The following GABRB1 variants were observed in gnomAD, a reference collection of about 807,000 sequenced individuals.
GABRB1 encodes gamma-aminobutyric acid receptor subunit beta-1.
In GABRB1, 17 loss-of-function variants were observed where a neutral mutation model predicts 51.6. The ratio of observed to expected loss-of-function variants is 0.33; its 90% CI spans 0.23 to 0.49. GABRB1 has a LOEUF of 0.49. Ranked by LOEUF, GABRB1 falls within the 20% of genes least tolerant of loss-of-function variation. GABRB1 has a pLI of 0.99. For synonymous variants in GABRB1, 247 were observed against 218.9 expected (o/e 1.13, Z -1.14); for missense variants, 410 against 600.6 (o/e 0.68, Z 3.32).
intron 5 of GABRB1, among the ~76,000 whole-genome samples, chr4:47,340,799 T>A (rs150431127): frequency 6.6e-6 from 1 of 151,930 alleles, no homozygotes. Flanking sequence ...GGAAAGGAGA[T>A]TCTGAAAAAA....
At chr4:47,132,244 C>T (rs1716448111) in intron 3 of GABRB1, among the ~76,000 whole-genome samples, 1 of 151,954 alleles carries the variant, frequency 6.6e-6, no homozygotes. Context: ...ATGTTGTATG[C>T]TAACTTTCTT....
chr4:47,053,337 G>A (rs935272288), intron 3 of GABRB1, among the ~76,000 whole-genome samples: 1 of 152,158 alleles, frequency 6.6e-6, no homozygotes, highest in African/African-American at 2.4e-5. Flanking sequence ...GCACCAGCAG[G>A]TCTGGTGTCT....
chr4:47,306,130 T>G (rs968645919), intron 4 of GABRB1, among the ~76,000 whole-genome samples: 1 of 151,912 alleles, frequency 6.6e-6, no homozygotes, highest in Non-Finnish European at 1.5e-5. Context: ...CCTATTTGCT[T>G]CAGCTTCCTT....
upstream of GABRB1, chr4:47,031,490 C>T (rs1725293645): frequency 1.6e-6 from 1 of 632,152 alleles, no homozygotes; most frequent in Non-Finnish European, 2.8e-6. Flanking sequence ...AATCTGTTGC[C>T]TGTTCCACTA....
At chr4:47,398,577 G>A (rs1190311823) in intron 5 of GABRB1, among the ~76,000 whole-genome samples, 2 of 152,046 alleles carry the variant, frequency 1.3e-5, no homozygotes, top group Non-Finnish European at 2.9e-5. Flanking sequence ...GAGAGAGAGA[G>A]ACAGAGAGAG....
chr4:47,353,635 T>A (rs1330496560), intron 5 of GABRB1, among the ~76,000 whole-genome samples: 2 of 152,190 alleles, frequency 1.3e-5, no homozygotes, highest in Non-Finnish European at 2.9e-5. Context: ...TATCATTGAC[T>A]CTAGTACACA....
At chr4:47,109,889 A>G (rs1715145276) in intron 3 of GABRB1, among the ~76,000 whole-genome samples, 1 of 152,090 alleles carries the variant, frequency 6.6e-6, no homozygotes, top group African/African-American at 2.4e-5. Context: ...AGCTAGTGTC[A>G]TTGTGTAAGG....
In GABRB1 at chr4:47,093,421, G is replaced by A. The variant is rs1455436016; in HGVS notation, c.240+60937G>A. On this transcript the variant is annotated intron_variant, in intron 3 of 8. Transcript: ENST00000295454. ...ATCTATTGGGTAATCAATGAGCAATGTTCTCTATAATAAATACTGCTCATT... is the reference window on the plus strand; with the variant it reads ...ATCTATTGGGTAATCAATGAGCAATATTCTCTATAATAAATACTGCTCATT... Among the ~76,000 whole-genome samples the A allele has an allele frequency of 2.0e-5, 3 of 152,142 alleles. 1 individual carries two copies. Among genetic ancestry groups the A allele is most frequent in the Non-Finnish European group, 4.4e-5 (3 of 68,026 alleles).
chr4:47,380,438 G>A (rs1217665363), intron 5 of GABRB1, among the ~76,000 whole-genome samples: 1 of 152,136 alleles, frequency 6.6e-6, no homozygotes, highest in African/African-American at 2.4e-5. Context: ...AGCCAGAAGT[G>A]GCTAGTCCAA....
At chr4:47,017,375 T>G (rs1724781476) in intron 1 of GABRB1, among the ~76,000 whole-genome samples, 1 of 152,224 alleles carries the variant, frequency 6.6e-6, no homozygotes. Flanking sequence ...CATTATTTAC[T>G]CAAACTCCTT....
At position 47,350,278 on chromosome 4, in the gene GABRB1, T is replaced by G. The variant is rs1209687898; in HGVS notation, c.544+30069T>G. Among the ~76,000 whole-genome samples, 8 of 144,046 alleles carry G rather than the reference T, an allele frequency of 5.6e-5. No homozygotes were observed. In the South Asian group the frequency reaches 1.1e-3, roughly 20 times the overall value. 94.5% of individuals were successfully genotyped at this position (144,046 alleles called of 152,430 possible). A position where few individuals can be genotyped will look rare whatever the true frequency, so the allele number is the denominator to read the frequency against. On this transcript the variant is annotated intron_variant, in intron 5 of 8. Transcript: ENST00000295454. ...GCATTCATTAATGTGTGTATATATA[T>G]ATATATATAGAGAGAGAGAGAGAGC...
At chr4:47,106,927 T>C (rs531376028) in intron 3 of GABRB1, among the ~76,000 whole-genome samples, 1 of 152,238 alleles carries the variant, frequency 6.6e-6, no homozygotes, top group South Asian at 2.1e-4. Flanking sequence ...GGGTAACTGC[T>C]TCTCATTCTG....
intron 4 of GABRB1, among the ~76,000 whole-genome samples, chr4:47,186,498 C>G (rs2109777181): frequency 6.6e-6 from 1 of 151,890 alleles, no homozygotes; most frequent in East Asian, 1.9e-4. Flanking sequence ...TCTAGTAATT[C>G]AGGGTATCTA....
At chr4:47,396,722 A>G (rs1728190555) in intron 5 of GABRB1, among the ~76,000 whole-genome samples, 3 of 152,218 alleles carry the variant, frequency 2.0e-5, no homozygotes, top group Admixed American at 2.0e-4. Flanking sequence ...GGGTATATAC[A>G]TTAATACTTT....
chr4:47,246,033 C>A (rs1477889576), intron 4 of GABRB1, among the ~76,000 whole-genome samples: 4 of 149,966 alleles, frequency 2.7e-5, no homozygotes, highest in Admixed American at 6.7e-5. Context: ...GTATACACTG[C>A]ACCATATTTG....
intron 4 of GABRB1, among the ~76,000 whole-genome samples, chr4:47,310,901 C>T (rs1001682694): frequency 4.6e-5 from 7 of 151,844 alleles, no homozygotes; most frequent in African/African-American, 1.5e-4. Context: ...CAGTGGCTCA[C>T]GCCTGTAATC....
chr4:47,083,337 C>A (rs572780426), intron 3 of GABRB1, among the ~76,000 whole-genome samples: 2 of 152,248 alleles, frequency 1.3e-5, no homozygotes, highest in Admixed American at 1.3e-4. Flanking sequence ...TTGAGACAAC[C>A]ATTACACATG....
intron 4 of GABRB1, among the ~76,000 whole-genome samples, chr4:47,308,204 A>C (rs903382398): frequency 5.9e-5 from 9 of 152,016 alleles, no homozygotes; most frequent in Non-Finnish European, 1.2e-4. Flanking sequence ...GCCGATGAGG[A>C]AAAGGCATCT....
intron 5 of GABRB1, among the ~76,000 whole-genome samples, chr4:47,376,173 A>G (rs1372330617): frequency 6.6e-6 from 1 of 152,074 alleles, no homozygotes; most frequent in African/African-American, 2.4e-5. Flanking sequence ...TTGATTGAAA[A>G]CCCCAAGAAG....
Sources: gnomAD v4.1 joint callset for allele counts (sites outside exome capture counted in the v4.1 genomes callset) on GRCh38, gnomAD v4.1.1 for gene constraint, MANE v1.5 for transcripts, NCBI Gene and HGNC (gene_info 2026-07-23, HGNC 2026-07-21) for gene names.